RSRC2: variants seen among roughly 807,000 people sequenced by gnomAD.
RSRC2 encodes the protein arginine and serine rich coiled-coil 2.
Under a neutral mutation model 61.3 loss-of-function variants are expected in RSRC2, and 5 were observed. That is an observed-to-expected ratio of 0.08 (90% CI 0.04 to 0.17). RSRC2 has a LOEUF of 0.17. Ranked by LOEUF, RSRC2 falls within the 10% of genes least tolerant of loss-of-function variation. The pLI is 1.00. For synonymous variants in RSRC2, 202 were observed against 166.5 expected, an observed-to-expected ratio of 1.21 and a Z score of -1.64; for missense variants, 381 against 518.8, an observed-to-expected ratio of 0.73 and a Z score of 2.58.
chr12:122,525,006 G>A (rs890606559), intron 1 of RSRC2, among the ~76,000 whole-genome samples: 10 of 152,112 alleles, frequency 6.6e-5, no homozygotes, highest in African/African-American at 2.4e-4. Flanking sequence ...TGAATACTAG[G>A]TCACTTCTCT....
In RSRC2 at chr12:122,514,741, GA is replaced by G. The variant is rs760095483; in HGVS notation, c.725+363del. 37 of 1,144,578 alleles carry G rather than the reference GA, an allele frequency of 3.2e-5. 3 individuals carry two copies. The South Asian group carries it at 5.0e-4, about 16-fold the overall frequency. 70.9% of individuals were successfully genotyped at this position (1,144,578 alleles called of 1,614,324 possible). A position where few individuals can be genotyped will look rare whatever the true frequency, so the allele number is the denominator to read the frequency against. On this transcript the variant is annotated intron_variant, in intron 6 of 9. Coordinates refer to ENST00000331738, the MANE Select transcript of RSRC2 (RefSeq NM_023012.6). ...TCAGGTATTTTGTCTATTTGAGGGAGAAAAACAAAAAGTAAAGGAAAAGTCA... is the reference window on the plus strand; with the variant it reads ...TCAGGTATTTTGTCTATTTGAGGGAGAAAACAAAAAGTAAAGGAAAAGTCA...
At chr12:122,521,235 A>C (rs1959199394) in intron 3 of RSRC2, 150 bp downstream of exon 3, 3 of 510,894 alleles carry the variant, frequency 5.9e-6, no homozygotes, top group Non-Finnish European at 1.1e-5. Context: ...AAAATGATGA[A>C]TCAAAATCAT....
chr12:122,514,863 G>T, intron 6 of RSRC2: 1 of 676,886 alleles, frequency 1.5e-6, no homozygotes, highest in Non-Finnish European at 2.1e-6. Flanking sequence ...GTCTAAATTT[G>T]AGAAAAATGA....
chr12:122,523,863 G>A (rs1959630648), intron 1 of RSRC2: 1 of 152,122 alleles, frequency 6.6e-6, no homozygotes, highest in East Asian at 1.9e-4. Flanking sequence ...ACCAATGCTA[G>A]ACTTAGGGAA....
intron 4 of RSRC2, among the ~76,000 whole-genome samples, chr12:122,517,654 C>G (rs1959040082): frequency 2.0e-5 from 3 of 152,096 alleles, no homozygotes; most frequent in Non-Finnish European, 4.4e-5. Context: ...ATTAACATGT[C>G]AAAAGCGTTC....
chr12:122,526,865 C>A lies in RSRC2; in HGVS notation c.-12G>T, dbSNP rs750000754. On this transcript the variant is annotated 5_prime_UTR_variant, in exon 1 of 10. Transcript: ENST00000331738. Reference sequence around the variant, plus strand: ...GTACCTACCGCCATAGTTCAGAGTCCCGGCCGCTAGAGCGGCGCCTCCACT... The same window carrying A: ...GTACCTACCGCCATAGTTCAGAGTCACGGCCGCTAGAGCGGCGCCTCCACT... 1.1e-5 allele frequency: 18 copies of A among 1,614,246 alleles called. No individual in the cohort carries two copies. The Middle Eastern group carries it at 4.9e-4, about 44-fold the overall frequency.
rs540974258 is a variant in RSRC2, at chr12:122,509,808, CTCT to C, written c.805+1298_805+1300del. Among the ~76,000 whole-genome samples the C allele has an allele frequency of 3.6e-3, 544 of 152,204 alleles. 6 individuals carry two copies. Among genetic ancestry groups the C allele is most frequent in the Admixed American group, 0.012 (182 of 15,278 alleles). On this transcript the variant is annotated intron_variant, in intron 7 of 9. Coordinates refer to ENST00000331738, the MANE Select transcript of RSRC2 (RefSeq NM_023012.6). ...AATTTCATACCAAATCAACAGTAAG[CTCT>C]TCGTGATAATTTTTTGTTTTTTGTT...
intron 1 of RSRC2, among the ~76,000 whole-genome samples, chr12:122,525,976 T>C (rs1177344630): frequency 5.8e-5 from 3 of 52,134 alleles, no homozygotes; most frequent in Non-Finnish European, 1.0e-4. Flanking sequence ...CGTCCGCCAC[T>C]ACGCCCGGCT....
chr12:122,520,629 T>TA (rs1959184901), intron 3 of RSRC2: 2 of 1,269,010 alleles, frequency 1.6e-6, no homozygotes, highest in South Asian at 1.2e-5. Context: ...CTAAACAAAA[T>TA]AGTCATTTTC....
intron 7 of RSRC2, among the ~76,000 whole-genome samples, chr12:122,510,443 C>T (rs1417793581): frequency 6.6e-6 from 1 of 152,146 alleles, no homozygotes; most frequent in African/African-American, 2.4e-5. Flanking sequence ...GGCGGAGAAT[C>T]GCTTAAATCC....
Position 122,504,409 on chromosome 12 carries a change from C to T in RSRC2, c.*1118G>A, listed in dbSNP as rs1341874799. 3.3e-5 allele frequency: 5 copies of T among 152,148 alleles called. No homozygotes were observed. Among genetic ancestry groups the T allele is most frequent in the Non-Finnish European group, 7.3e-5 (5 of 68,084 alleles). The allele number at this position is 152,148 out of a possible 1,614,324, so 9.4% of individuals were successfully genotyped here. The stretch of plus-strand genomic sequence containing the variant: ...TTGGGAGGCTGAGGAGGGTGGATCA[C>T]CTGAGGTCAGGAGTTCAGGACCAGC... On this transcript the variant is annotated 3_prime_UTR_variant, in exon 10 of 10. Transcript: ENST00000331738.
chr12:122,516,681 C>T (rs1023343198), intron 5 of RSRC2, among the ~76,000 whole-genome samples: 1 of 152,094 alleles, frequency 6.6e-6, no homozygotes, highest in Non-Finnish European at 1.5e-5. Context: ...ACAACAAATC[C>T]AGTGTTGAAC....
At position 122,508,389 on chromosome 12, in the gene RSRC2, T is replaced by C. The variant is rs1593360333; in HGVS notation, c.864A>G (p.Gln288=). 1.9e-6 allele frequency: 3 copies of C among 1,614,194 alleles called. No homozygotes were observed. The highest frequency in any genetic ancestry group is 1.7e-6 in the Non-Finnish European group (2 of 1,180,028). ...NVAALLASGT[Q]VTPQIAMAAQ... is the part of the protein sequence containing the mutation. ...CTGCCATGGCTATCTGAGGTGTTAC[T>C]TGTGTTCCTGATGCCAACAGGGCAG... Residue 288 remains glutamine, a synonymous_variant, in exon 8 of 10, where the codon CAA becomes CAG. Coordinates refer to ENST00000331738, the MANE Select transcript of RSRC2 (RefSeq NM_023012.6).
At chr12:122,522,421 T>A in intron 1 of RSRC2, 122 bp from the exon 2 acceptor site, 1 of 936,124 alleles carries the variant, frequency 1.1e-6, no homozygotes, top group Non-Finnish European at 1.5e-6. Context: ...GAATGCCTGC[T>A]TTCCAAGTAA....
chr12:122,513,200 TAAA>T, intron 6 of RSRC2, among the ~76,000 whole-genome samples: 1 of 38,688 alleles, frequency 2.6e-5, no homozygotes, highest in African/African-American at 8.9e-5. Flanking sequence ...GTCTCAAAAA[TAAA>T]TAAATAAATA....
At position 122,505,036 on chromosome 12, in the gene RSRC2, TAA is replaced by T. The variant is rs1232379875; in HGVS notation, c.*489_*490del. ...AACAAATTCAAAGAAACATCCCAGG[TAA>T]CTTAAATTAACACCAGTTTTGAGAA... On this transcript the variant is annotated 3_prime_UTR_variant, in exon 10 of 10. Coordinates refer to ENST00000331738, the MANE Select transcript of RSRC2 (RefSeq NM_023012.6). 1.3e-5 allele frequency: 2 copies of T among 152,694 alleles called. No homozygotes were observed. Among genetic ancestry groups the T allele is most frequent in the African/African-American group, 4.8e-5 (2 of 41,442 alleles). The allele number at this position is 152,694 out of a possible 1,614,324, so 9.5% of individuals were successfully genotyped here. A position where few individuals can be genotyped will look rare whatever the true frequency, so the allele number is the denominator to read the frequency against.
chr12:122,506,004 C>T (rs923809561), intron 9 of RSRC2, among the ~76,000 whole-genome samples: 3 of 150,488 alleles, frequency 2.0e-5, no homozygotes, highest in African/African-American at 7.3e-5. Flanking sequence ...GTCTCGAACT[C>T]CTGACCTCAG....
chr12:122,520,775 C>T (rs1959187843), intron 3 of RSRC2: 2 of 348,122 alleles, frequency 5.7e-6, no homozygotes, highest in East Asian at 1.5e-4. Context: ...ACTACTTCTA[C>T]ACTTCCTTAT....
At chr12:122,525,256 A>T (rs1593434206) in intron 1 of RSRC2, among the ~76,000 whole-genome samples, 1 of 151,920 alleles carries the variant, frequency 6.6e-6, no homozygotes, top group African/African-American at 2.4e-5. Context: ...GGCGCCTGTA[A>T]TCCCAGCTAC....
Sources: allele counts gnomAD v4.1 joint callset (sites outside exome capture counted in the v4.1 genomes callset), GRCh38; gene constraint gnomAD v4.1.1; transcripts MANE v1.5; gene names NCBI Gene and HGNC (gene_info 2026-07-23, HGNC 2026-07-21).